SMC1A: variants seen among roughly 807,000 people sequenced by gnomAD.
The protein encoded by SMC1A is structural maintenance of chromosomes protein 1A.
SMC1A carries 4 observed loss-of-function variants against 94.5 expected under a neutral mutation model. The observed-to-expected ratio is 0.04, with a 90% confidence interval of 0.02 to 0.10. SMC1A has a LOEUF of 0.10. Among genes scored for constraint, SMC1A ranks in the 10% least tolerant of loss-of-function variants. SMC1A has a pLI of 1.00. For synonymous variants in SMC1A, 345 were observed against 347.7 expected (o/e 0.99, Z 0.09); for missense variants, 304 against 989.0 (o/e 0.31, Z 9.29).
At chrX:53,386,285 A>C (rs1472069032) in intron 19 of SMC1A, among the ~76,000 whole-genome samples, 1 of 111,915 alleles carries the variant, frequency 8.9e-6, no homozygotes, top group Non-Finnish European at 1.9e-5. Context: ...AATAAAAGGT[A>C]AAGGGATAGC....
At chrX:53,410,758 AC>A (rs1277555689) in intron 7 of SMC1A, among the ~76,000 whole-genome samples, 1 of 104,571 alleles carries the variant, frequency 9.6e-6, no homozygotes, top group African/African-American at 3.5e-5. Flanking sequence ...CCGAGATGGC[AC>A]CATTGCACTC....
In SMC1A at chrX:53,414,751, C is replaced by T. The variant is rs1239867409; in HGVS notation, c.411+7G>A. On this transcript the variant is annotated splice_region_variant and intron_variant, in intron 3 of 24. Coordinates refer to ENST00000322213, the MANE Select transcript of SMC1A (RefSeq NM_006306.4). ...CCAGATAGCCAATAACTGTTAAAAA[C>T]GCCCACCTGGAAAACGAGGAAGTTA... 10 of 1,156,808 alleles carry T rather than the reference C, an allele frequency of 8.6e-6. No individual in the cohort carries two copies. The highest frequency in any genetic ancestry group is 3.6e-5 in the South Asian group (2 of 55,758).
At chrX:53,419,706 C>T (rs2146610487) in intron 1 of SMC1A, among the ~76,000 whole-genome samples, 1 of 108,847 alleles carries the variant, frequency 9.2e-6, no homozygotes, top group South Asian at 4.0e-4. Flanking sequence ...CGCCTGTAAT[C>T]CCAGCTCCTC....
intron 22 of SMC1A, chrX:53,381,726 ATC>A (rs782598558): frequency 2.4e-5 from 4 of 167,229 alleles, no homozygotes; most frequent in South Asian, 1.4e-4. Flanking sequence ...TGTCTGATAC[ATC>A]TGTGTCCCTA....
chrX:53,418,738 A>G (rs1246045053), intron 1 of SMC1A, among the ~76,000 whole-genome samples: 3 of 111,927 alleles, frequency 2.7e-5, no homozygotes, highest in African/African-American at 9.7e-5. Context: ...TGGCCAAAAA[A>G]TAGATATTGT....
intron 16 of SMC1A, among the ~76,000 whole-genome samples, chrX:53,399,192 A>C (rs1048912156): frequency 9.0e-6 from 1 of 111,339 alleles, no homozygotes; most frequent in Admixed American, 9.6e-5. Flanking sequence ...GAGCTAAGAT[A>C]GTGCCACTGC....
intron 15 of SMC1A, among the ~76,000 whole-genome samples, chrX:53,401,682 T>G (rs2075671095): frequency 9.0e-6 from 1 of 110,908 alleles, no homozygotes; most frequent in African/African-American, 3.3e-5. Flanking sequence ...ATGGCAAGAC[T>G]CTCTCAGGGA....
rs377522729 is a variant in SMC1A at position 53,397,436 on chromosome X, C to G, written c.2563-819G>C. 9.0e-5 allele frequency among the ~76,000 whole-genome samples: 10 copies of G among 111,392 alleles called. No individual in the cohort carries two copies. The East Asian group carries it at 2.0e-3, about 22-fold the overall frequency. On this transcript the variant is annotated intron_variant, in intron 16 of 24. Transcript: ENST00000322213. ...TCTCTACAAAGAATACAAAAATTAGCTGGGTGTGGTGGCACACGCCTGTGG... is the reference window on the plus strand; with the variant it reads ...TCTCTACAAAGAATACAAAAATTAGGTGGGTGTGGTGGCACACGCCTGTGG...
At chrX:53,380,572 G>T in intron 24 of SMC1A, 48 bp downstream of exon 24, 1 of 847,136 alleles carries the variant, frequency 1.2e-6, no homozygotes. Flanking sequence ...CCTGCCCTGG[G>T]AAATCAGGCA....
chrX:53,415,285 T>C (rs1166517601), intron 1 of SMC1A, 116 bp from the exon 2 acceptor site: 4 of 597,322 alleles, frequency 6.7e-6, no homozygotes, highest in Non-Finnish European at 1.1e-5. Flanking sequence ...CTCAGACTAA[T>C]GGGAAGAGAG....
chrX:53,390,100 T>TCCCA (rs1487934736), intron 19 of SMC1A, among the ~76,000 whole-genome samples: 3 of 104,032 alleles, frequency 2.9e-5, no homozygotes, highest in Non-Finnish European at 5.9e-5. Flanking sequence ...TGCCTCGGCC[T>TCCCA]CCCACAGTGC....
At chrX:53,415,302 C>A in intron 1 of SMC1A, 133 bp from the exon 2 acceptor site, 1 of 544,733 alleles carries the variant, frequency 1.8e-6, no homozygotes, top group East Asian at 3.6e-5. Flanking sequence ...AGAGACTACT[C>A]CTCTGTCCCC....
At chrX:53,406,575 A>C (rs1237502643) in intron 9 of SMC1A, among the ~76,000 whole-genome samples, 1 of 112,077 alleles carries the variant, frequency 8.9e-6, no homozygotes, top group African/African-American at 3.2e-5. Flanking sequence ...GAACCTAACA[A>C]GATTGAATAG....
chrX:53,384,160 C>T (rs1339849643), intron 19 of SMC1A, among the ~76,000 whole-genome samples: 3 of 111,315 alleles, frequency 2.7e-5, no homozygotes, highest in African/African-American at 9.8e-5. Context: ...GGATGGTTAC[C>T]TCATCGGGTG....
Position 53,390,007 on chromosome X carries a change from G to A in SMC1A, c.2973+4771C>T, listed in dbSNP as rs1462701345. Among the ~76,000 whole-genome samples the A allele has an allele frequency of 5.5e-4, 57 of 104,503 alleles. 1 individual carries two copies. The highest frequency in any genetic ancestry group is 9.6e-4 in the Non-Finnish European group (49 of 50,990). 90.7% of individuals were successfully genotyped at this position (104,503 alleles called of 115,157 possible). A position where few individuals can be genotyped will look rare whatever the true frequency, so the allele number is the denominator to read the frequency against. ...TGGGACTACAGGCACGTGCCACCAC[G>A]GCCAGCTAATTTTTTGTATTTTTAG... On this transcript the variant is annotated intron_variant, in intron 19 of 24. Coordinates refer to ENST00000322213, the MANE Select transcript of SMC1A (RefSeq NM_006306.4).
intron 22 of SMC1A, 163 bp downstream of exon 22, chrX:53,382,069 A>C (rs1283143699): frequency 3.3e-6 from 2 of 614,691 alleles, no homozygotes; most frequent in African/African-American, 4.4e-5. Context: ...ACAGGTCCAG[A>C]AAAACCAAAG....
chrX:53,413,493 C>T (rs1260596673), intron 3 of SMC1A, 58 bp from the exon 4 acceptor site: 4 of 1,043,156 alleles, frequency 3.8e-6, no homozygotes, highest in Non-Finnish European at 4.0e-6. Flanking sequence ...GTTCACCTTA[C>T]CCATTTCCAC....
chrX:53,410,142 T>C (rs1312461031), intron 7 of SMC1A, among the ~76,000 whole-genome samples: 2 of 111,554 alleles, frequency 1.8e-5, no homozygotes, highest in Non-Finnish European at 3.8e-5. Context: ...GTAAAGTATA[T>C]TTGGTAAGAG....
In SMC1A at chrX:53,374,684, T is replaced by C. The variant is rs1449913088; in HGVS notation, c.*5419A>G. The stretch of plus-strand genomic sequence containing the variant: ...CGGTTTCTGTTCCTCGTGGCTCCTA[T>C]TGCTTCATGGCTTCTAGCCCATTGT... On this transcript the variant is annotated 3_prime_UTR_variant, in exon 25 of 25. Coordinates refer to ENST00000322213, the MANE Select transcript of SMC1A (RefSeq NM_006306.4). 8.9e-6 allele frequency: 1 copy of C among 112,372 alleles called. No individual in the cohort carries two copies. The highest frequency in any genetic ancestry group is 1.9e-5 in the Non-Finnish European group (1 of 53,234). 9.3% of individuals were successfully genotyped at this position (112,372 alleles called of 1,213,427 possible).
Sources: gnomAD v4.1 joint callset for allele counts (sites outside exome capture counted in the v4.1 genomes callset) on GRCh38, gnomAD v4.1.1 for gene constraint, MANE v1.5 for transcripts, NCBI Gene and HGNC (gene_info 2026-07-23, HGNC 2026-07-21) for gene names.